Variants in CNTNAP5 observed in about 807,000 individuals in gnomAD.
CNTNAP5 encodes contactin-associated protein-like 5.
CNTNAP5 carries 72 observed loss-of-function variants against 150.2 expected under a neutral mutation model. That is an observed-to-expected ratio of 0.48 (90% CI 0.40 to 0.58). The LOEUF (loss-of-function observed/expected upper bound fraction) is 0.58, where lower values mean the gene tolerates loss of function less well. Among genes scored for constraint, CNTNAP5 ranks in the 20% least tolerant of loss-of-function variants. The probability of loss-of-function intolerance (pLI) is 0.00; values close to 1 mark genes in which losing one functional copy is unlikely to be tolerated. For missense variants in CNTNAP5, 1,636 were observed against 1,626.2 expected, an observed-to-expected ratio of 1.01 and a Z score of -0.10; for synonymous variants, 672 against 619.8, an observed-to-expected ratio of 1.08 and a Z score of -1.25.
At chr2:124,319,435 C>A (rs1047080259) in intron 3 of CNTNAP5, among the ~76,000 whole-genome samples, 3 of 152,158 alleles carry the variant, frequency 2.0e-5, no homozygotes, top group African/African-American at 7.2e-5. Flanking sequence ...AAAAGCTAAA[C>A]CTCAAACTGG....
intron 1 of CNTNAP5, among the ~76,000 whole-genome samples, chr2:124,135,596 C>T (rs556236070): frequency 6.6e-6 from 1 of 152,340 alleles, no homozygotes; most frequent in Admixed American, 6.5e-5. Flanking sequence ...CCCTCTGACA[C>T]TGCAAATACT....
chr2:124,782,405 T>C (rs976404426), intron 17 of CNTNAP5, among the ~76,000 whole-genome samples: 2 of 152,230 alleles, frequency 1.3e-5, no homozygotes, highest in Non-Finnish European at 2.9e-5. Flanking sequence ...CCCATCATTA[T>C]GTATTGTGAA....
chr2:124,616,807 A>T (rs1282225159), intron 12 of CNTNAP5, among the ~76,000 whole-genome samples: 2 of 152,088 alleles, frequency 1.3e-5, no homozygotes, highest in Admixed American at 1.3e-4. Context: ...CATCTCAGGG[A>T]GTAGGGAGGC....
At chr2:124,325,860 A>T (rs922607342) in intron 3 of CNTNAP5, among the ~76,000 whole-genome samples, 1 of 152,164 alleles carries the variant, frequency 6.6e-6, no homozygotes, top group Admixed American at 6.5e-5. Context: ...GACCTCCACT[A>T]GGGGGATGAG....
intron 22 of CNTNAP5, among the ~76,000 whole-genome samples, chr2:124,904,946 T>A (rs1678499800): frequency 6.8e-6 from 1 of 146,928 alleles, no homozygotes; most frequent in African/African-American, 2.5e-5. Flanking sequence ...GAAAAGGCAA[T>A]CTACAGAATT....
At chr2:124,427,748 T>C (rs879719932) in intron 4 of CNTNAP5, among the ~76,000 whole-genome samples, 5 of 152,112 alleles carry the variant, frequency 3.3e-5, no homozygotes, top group South Asian at 2.1e-4. Context: ...TGAGCCACCG[T>C]GCCCGGCCAA....
chr2:124,772,890 G>A lies in CNTNAP5; in HGVS notation c.2625G>A (p.Trp875Ter), dbSNP rs755061930. Reference sequence around the variant, plus strand: ...CTTCTCTTCTGAATGACAACCAATGGCACTATGTCCGGGCTGAGAGGAACC... The same window carrying A: ...CTTCTCTTCTGAATGACAACCAATGACACTATGTCCGGGCTGAGAGGAACC... Reference protein sequence around the residue: ...QSPSLLNDNQWHYVRAERNLK... With the variant: ...QSPSLLNDNQ Residue 875 changes from tryptophan to a stop codon, truncating the protein, a stop_gained, in exon 17 of 24, where the codon TGG becomes TGA. Transcript: ENST00000682447. LOFTEE classifies it high-confidence loss of function. 1.2e-6 allele frequency: 2 copies of A among 1,613,424 alleles called. No individual in the cohort carries two copies. Among genetic ancestry groups the A allele is most frequent in the Non-Finnish European group, 1.7e-6 (2 of 1,179,688 alleles).
rs1207499860 is a variant in CNTNAP5, at chr2:124,919,122, AACAC to A, written c.*4841_*4844del. On this transcript the variant is annotated 3_prime_UTR_variant, in exon 24 of 24. Transcript: ENST00000682447. ...GAACCACCTAAAGGGGAAAAAATGC[AACAC>A]ACACACGCACGCTCACATGCACACT... 3.3e-5 allele frequency among the ~76,000 whole-genome samples: 5 copies of A among 152,016 alleles called. No homozygotes were observed. The highest frequency in any genetic ancestry group is 7.4e-5 in the Non-Finnish European group (5 of 67,964).
intron 3 of CNTNAP5, among the ~76,000 whole-genome samples, chr2:124,342,300 A>G (rs1689638063): frequency 6.6e-6 from 1 of 152,116 alleles, no homozygotes; most frequent in Non-Finnish European, 1.5e-5. Flanking sequence ...CAGAGACACA[A>G]CCTCAAATTC....
intron 3 of CNTNAP5, among the ~76,000 whole-genome samples, chr2:124,281,890 C>T (rs1386750193): frequency 1.3e-5 from 2 of 152,108 alleles, no homozygotes; most frequent in South Asian, 2.1e-4. Context: ...TCTTCCCTCA[C>T]GTAATTTCTC....
chr2:124,813,868 G>T (rs982865863), intron 19 of CNTNAP5, among the ~76,000 whole-genome samples: 1 of 151,848 alleles, frequency 6.6e-6, no homozygotes, highest in South Asian at 2.1e-4. Flanking sequence ...TTTATACAAA[G>T]ATAGCTTTGG....
intron 16 of CNTNAP5, among the ~76,000 whole-genome samples, chr2:124,772,142 T>G (rs980428682): frequency 7.9e-5 from 12 of 152,066 alleles, no homozygotes; most frequent in African/African-American, 2.9e-4. Flanking sequence ...CCATCACCAT[T>G]GTCATTTCAC....
intron 6 of CNTNAP5, among the ~76,000 whole-genome samples, chr2:124,447,493 G>C (rs907657061): frequency 1.3e-5 from 2 of 152,158 alleles, no homozygotes; most frequent in African/African-American, 4.8e-5. Context: ...TGGCAGCCAA[G>C]AGTTTGCCAG....
At position 124,078,944 on chromosome 2, in the gene CNTNAP5, G is replaced by A. The variant is rs145352853; in HGVS notation, c.82+53212G>A. ...CAGGTTTGTCCTGTTTCTGACATAG[G>A]AAGCAGGGGTGATTACATCTAAACG... On this transcript the variant is annotated intron_variant, in intron 1 of 23. Transcript: ENST00000682447. Among the ~76,000 whole-genome samples the A allele has an allele frequency of 7.1e-3, 1,086 of 152,298 alleles. 13 individuals are homozygous for A. Among genetic ancestry groups the A allele is most frequent in the African/African-American group, 0.025 (1,028 of 41,558 alleles).
At chr2:124,570,285 A>C (rs1696121482) in intron 11 of CNTNAP5, among the ~76,000 whole-genome samples, 1 of 152,212 alleles carries the variant, frequency 6.6e-6, no homozygotes, top group African/African-American at 2.4e-5. Context: ...GCTCAAAATA[A>C]TTGACCTTTT....
intron 3 of CNTNAP5, among the ~76,000 whole-genome samples, chr2:124,409,586 G>A: frequency 2.0e-5 from 2 of 98,878 alleles, no homozygotes; most frequent in East Asian, 2.9e-4. Flanking sequence ...CATTCTTAAA[G>A]AAAAGAATTT....
chr2:124,231,364 G>T (rs777070352), intron 2 of CNTNAP5, among the ~76,000 whole-genome samples: 2 of 152,080 alleles, frequency 1.3e-5, no homozygotes, highest in Non-Finnish European at 2.9e-5. Flanking sequence ...TTTTTAAGAT[G>T]GAGAAACAGA....
At chr2:124,538,851 G>C (rs918814416) in intron 10 of CNTNAP5, among the ~76,000 whole-genome samples, 1 of 152,180 alleles carries the variant, frequency 6.6e-6, no homozygotes, top group African/African-American at 2.4e-5. Context: ...CCTTGGTATT[G>C]ATTCCTTTAC....
chr2:124,576,642 A>T (rs2104944514), intron 11 of CNTNAP5, among the ~76,000 whole-genome samples: 1 of 152,292 alleles, frequency 6.6e-6, no homozygotes, highest in Non-Finnish European at 1.5e-5. Flanking sequence ...GCAATGCAGT[A>T]TGAAAAAGGA....
Sources: gnomAD v4.1 joint callset for allele counts (sites outside exome capture counted in the v4.1 genomes callset) on GRCh38, gnomAD v4.1.1 for gene constraint, MANE v1.5 for transcripts, NCBI Gene and HGNC (gene_info 2026-07-23, HGNC 2026-07-21) for gene names.